Variants in RNF157 observed in about 807,000 individuals in gnomAD.
The protein encoded by RNF157 is ring finger protein 157.
Under a neutral mutation model 88.3 loss-of-function variants are expected in RNF157, and 55 were observed. That is an observed-to-expected ratio of 0.62 (90% CI 0.50 to 0.78). The LOEUF is 0.78. Ranked by LOEUF, RNF157 falls within the 30% of genes least tolerant of loss-of-function variation. The pLI is 0.00. For synonymous variants in RNF157, 334 were observed against 341.2 expected (o/e 0.98, Z 0.23); for missense variants, 788 against 860.8 (o/e 0.92, Z 1.06).
At chr17:76,208,626 A>G (rs1297180722) in intron 2 of RNF157, among the ~76,000 whole-genome samples, 1 of 152,216 alleles carries the variant, frequency 6.6e-6, no homozygotes, top group Non-Finnish European at 1.5e-5. Flanking sequence ...CTACATTTTT[A>G]TGCAGCTATA....
At chr17:76,218,776 A>C (rs1328047354) in intron 1 of RNF157, among the ~76,000 whole-genome samples, 1 of 152,082 alleles carries the variant, frequency 6.6e-6, no homozygotes, top group African/African-American at 2.4e-5. Flanking sequence ...TCTACTAAAA[A>C]TACAAAAATT....
At chr17:76,151,556 G>A (rs780418098) in intron 18 of RNF157, among the ~76,000 whole-genome samples, 2 of 152,230 alleles carry the variant, frequency 1.3e-5, no homozygotes, top group African/African-American at 2.4e-5. Context: ...CGTGAAACCC[G>A]GAGGGGACAT....
chr17:76,167,704 T>A lies in RNF157; in HGVS notation c.390A>T (p.Val130=), dbSNP rs2068950279. 6.2e-7 allele frequency: 1 copy of A among 1,614,112 alleles called. No homozygotes were observed. The change falls in exon 4 of 19, where the codon GTA becomes GTT. Residue 130 remains valine, a synonymous_variant. Transcript: ENST00000269391. ...TGGCCTGGTAATAGATGGTGATGGC[T>A]ACCCGAGCATCTGTGTCAAAGGTGA... ...VEFTFDTDAR[V]AITIYYQATE...
chr17:76,203,654 G>A (rs370857000), intron 2 of RNF157, among the ~76,000 whole-genome samples: 1 of 151,514 alleles, frequency 6.6e-6, no homozygotes, highest in Non-Finnish European at 1.5e-5. Context: ...GTTTCACCAC[G>A]CTGGCCAGGC....
At chr17:76,183,128 G>A (rs1021057696) in intron 2 of RNF157, among the ~76,000 whole-genome samples, 3 of 151,198 alleles carry the variant, frequency 2.0e-5, no homozygotes, top group East Asian at 1.9e-4. Flanking sequence ...GTAGAGATAG[G>A]GTTTCTCCAT....
chr17:76,191,339 G>A (rs539913584), intron 2 of RNF157, among the ~76,000 whole-genome samples: 1 of 151,946 alleles, frequency 6.6e-6, no homozygotes, highest in Non-Finnish European at 1.5e-5. Flanking sequence ...AGGGCTGGGC[G>A]CGGTGGCTCA....
intron 1 of RNF157, among the ~76,000 whole-genome samples, chr17:76,232,535 T>C (rs539723874): frequency 1.3e-5 from 2 of 152,380 alleles, no homozygotes; most frequent in East Asian, 3.8e-4. Flanking sequence ...TCTTGGCTAT[T>C]ATGAGCAATG....
In RNF157 at chr17:76,195,837, C is replaced by CA. The variant is rs2069468722; in HGVS notation, c.207+16526dup. Among the ~76,000 whole-genome samples the CA allele has an allele frequency of 6.6e-6, 1 of 152,186 alleles. No individual in the cohort carries two copies. The highest frequency in any genetic ancestry group is 2.1e-4 in the South Asian group (1 of 4,826). The stretch of plus-strand genomic sequence containing the variant: ...AGACTAAATTGAGCACAAGCTAAAA[C>CA]AGGGACTGGGCAGAAGCAGCTTTCC... On this transcript the variant is annotated intron_variant, in intron 2 of 18. Transcript: ENST00000269391. The surrounding 1 kb of genome is among the most constrained non-coding windows in gnomAD (Gnocchi z 4.4).
intron 2 of RNF157, among the ~76,000 whole-genome samples, chr17:76,201,581 A>C (rs1307922742): frequency 1.3e-5 from 2 of 152,162 alleles, no homozygotes; most frequent in African/African-American, 4.8e-5. Context: ...GATATATCCC[A>C]AGAGTTACCA....
At chr17:76,181,358 A>G (rs989213766) in intron 2 of RNF157, among the ~76,000 whole-genome samples, 1 of 152,128 alleles carries the variant, frequency 6.6e-6, no homozygotes, top group African/African-American at 2.4e-5. Context: ...ACTCCTTTCT[A>G]TCTTTAACAG....
At chr17:76,204,186 T>C (rs979379897) in intron 2 of RNF157, among the ~76,000 whole-genome samples, 3 of 152,352 alleles carry the variant, frequency 2.0e-5, no homozygotes, top group Admixed American at 2.0e-4. Flanking sequence ...CTCACCACTC[T>C]GAGCGCCAAA....
intron 9 of RNF157, chr17:76,162,233 A>C (rs1373554273): frequency 1.7e-6 from 1 of 586,622 alleles, no homozygotes; most frequent in African/African-American, 1.9e-5. Context: ...AGCTCCTCCT[A>C]TAAGGCCCAG....
intron 1 of RNF157, among the ~76,000 whole-genome samples, chr17:76,239,713 G>A (rs1289881204): frequency 6.6e-6 from 1 of 152,168 alleles, no homozygotes; most frequent in Non-Finnish European, 1.5e-5. Flanking sequence ...GCAAGTGCCT[G>A]TTTGGATGCC....
intron 7 of RNF157, 107 bp from the exon 8 acceptor site, chr17:76,164,902 T>G (rs1202472708): frequency 7.2e-6 from 5 of 690,644 alleles, no homozygotes; most frequent in Non-Finnish European, 1.3e-5. Flanking sequence ...ATCTGCAGTT[T>G]CATTTTCCAT....
intron 2 of RNF157, among the ~76,000 whole-genome samples, chr17:76,191,062 G>A (rs2069377322): frequency 4.6e-5 from 7 of 151,910 alleles, no homozygotes; most frequent in Admixed American, 3.3e-4. Context: ...GATTAGCAGA[G>A]GACATAAACC....
chr17:76,186,605 C>T (rs1270630715), intron 2 of RNF157, among the ~76,000 whole-genome samples: 3 of 152,042 alleles, frequency 2.0e-5, no homozygotes, highest in Non-Finnish European at 4.4e-5. Flanking sequence ...TCTCATATTC[C>T]TGGAAGGAAA....
At chr17:76,190,608 A>G (rs918522999) in intron 2 of RNF157, among the ~76,000 whole-genome samples, 60 of 151,268 alleles carry the variant, frequency 4.0e-4, no homozygotes, top group African/African-American at 1.4e-3. Context: ...ATCTCAAAAA[A>G]AAAAAAAAAG....
intron 2 of RNF157, among the ~76,000 whole-genome samples, chr17:76,181,902 T>C (rs1287688650): frequency 1.5e-5 from 2 of 136,382 alleles, no homozygotes; most frequent in Non-Finnish European, 3.1e-5. Context: ...AGTGAGACTC[T>C]GTCTCAAAAA....
Position 76,173,713 on chromosome 17 carries a change from C to T in RNF157, c.285G>A (p.Leu95=). 6.2e-7 allele frequency: 1 copy of T among 1,608,350 alleles called. No homozygotes were observed. Residue 95 remains leucine, a synonymous_variant, in exon 3 of 19, where the codon CTG becomes CTA. Transcript: ENST00000269391. The stretch of plus-strand genomic sequence containing the variant: ...CTCTGGGAACTTACTTGACGAGCCT[C>T]AGTGTGTCCTTTCGGATATTGACCA... ...RSLVNIRKDT[L]RLVKCAEEVK...
Sources: gnomAD v4.1 joint callset for allele counts (sites outside exome capture counted in the v4.1 genomes callset) on GRCh38, gnomAD v4.1.1 for gene constraint, Gnocchi (gnomAD v3.1) non-coding constraint, MANE v1.5 for transcripts, NCBI Gene and HGNC (gene_info 2026-07-23, HGNC 2026-07-21) for gene names.